The following IGF1R variants were observed in gnomAD, a reference collection of about 807,000 sequenced individuals.
IGF1R encodes the protein insulin-like growth factor 1 receptor.
A neutral mutation model predicts 144.6 loss-of-function variants in IGF1R; 44 were observed. The ratio of observed to expected loss-of-function variants is 0.30; its 90% CI spans 0.24 to 0.39. The LOEUF is 0.39. Ranked by LOEUF, IGF1R falls within the 10% of genes least tolerant of loss-of-function variation. IGF1R has a pLI of 1.00. For missense variants in IGF1R, 1,355 were observed against 1,833.7 expected (o/e 0.74, Z 4.77); for synonymous variants, 795 against 722.8 (o/e 1.10, Z -1.60).
At chr15:98,664,407 G>A (rs2141182952) in intron 1 of IGF1R, among the ~76,000 whole-genome samples, 1 of 152,256 alleles carries the variant, frequency 6.6e-6, no homozygotes, top group Admixed American at 6.5e-5. Flanking sequence ...GCTCATGCCT[G>A]TAATCCCAGC....
At chr15:98,904,661 G>C (rs2014645663) in intron 5 of IGF1R, among the ~76,000 whole-genome samples, 2 of 152,246 alleles carry the variant, frequency 1.3e-5, no homozygotes, top group Admixed American at 6.5e-5. Context: ...CCTGGGTTCT[G>C]ATGCCCCCTA....
At chr15:98,734,058 T>G (rs1009426434) in intron 2 of IGF1R, among the ~76,000 whole-genome samples, 1 of 152,206 alleles carries the variant, frequency 6.6e-6, no homozygotes, top group Non-Finnish European at 1.5e-5. Flanking sequence ...CCGTATCTGC[T>G]GCAATTCTTA....
chr15:98,755,737 AAAAAAAAAAAAAAAAAG>A (rs564730758), intron 2 of IGF1R, among the ~76,000 whole-genome samples: 4,092 of 136,738 alleles, frequency 0.03, 197 homozygotes, highest in African/African-American at 0.097. Flanking sequence ...AAAAAAAAAA[AAAAAAAAAAAAAAAAAG>A]GCATTACTGC....
At chr15:98,775,688 C>T (rs1009673860) in intron 2 of IGF1R, among the ~76,000 whole-genome samples, 20 of 152,206 alleles carry the variant, frequency 1.3e-4, no homozygotes, top group African/African-American at 4.8e-4. Context: ...CTGGTCCGCA[C>T]TGAAGGATCC....
chr15:98,784,854 A>G (rs2055952362), intron 2 of IGF1R, among the ~76,000 whole-genome samples: 1 of 152,242 alleles, frequency 6.6e-6, no homozygotes, highest in Non-Finnish European at 1.5e-5. Context: ...GTTATATGCA[A>G]GCGCTGCCAT....
chr15:98,827,675 C>T (rs1481973517), intron 2 of IGF1R, among the ~76,000 whole-genome samples: 2 of 152,110 alleles, frequency 1.3e-5, no homozygotes, highest in Admixed American at 6.6e-5. Flanking sequence ...CTCTGCCTTC[C>T]GGGTTCAAGC....
At chr15:98,773,385 A>G (rs1449146026) in intron 2 of IGF1R, among the ~76,000 whole-genome samples, 1 of 152,194 alleles carries the variant, frequency 6.6e-6, no homozygotes, top group Non-Finnish European at 1.5e-5. Context: ...TGGGGTCACA[A>G]GGGACAAATC....
Position 98,964,108 on chromosome 15 carries a change from T to C in IGF1R, c.*6666T>C, listed in dbSNP as rs1327216582. The stretch of plus-strand genomic sequence containing the variant: ...AGAGGTTTGCCAGAGTTTGTCTACC[T>C]CTGGGTATCCCTTTGTCTGGGATAA... On this transcript the variant is annotated 3_prime_UTR_variant, in exon 21 of 21. Coordinates refer to ENST00000650285, the MANE Select transcript of IGF1R (RefSeq NM_000875.5). The C allele has an allele frequency of 8.6e-6, 2 of 232,958 alleles. No homozygotes were observed. Among genetic ancestry groups the C allele is most frequent in the Non-Finnish European group, 1.7e-5 (2 of 117,730 alleles). The allele number at this position is 232,958 out of a possible 1,614,324, so 14.4% of individuals were successfully genotyped here.
At chr15:98,901,710 G>A (rs1449187851) in intron 5 of IGF1R, among the ~76,000 whole-genome samples, 1 of 152,212 alleles carries the variant, frequency 6.6e-6, no homozygotes, top group African/African-American at 2.4e-5. Flanking sequence ...CCCTAGGCAT[G>A]GAGAAGAGCC....
intron 2 of IGF1R, among the ~76,000 whole-genome samples, chr15:98,849,711 T>C (rs1008872456): frequency 3.9e-5 from 6 of 152,072 alleles, no homozygotes; most frequent in Non-Finnish European, 7.4e-5. Flanking sequence ...CTCCTAGAAA[T>C]TGTTAAGGAA....
chr15:98,782,164 A>G (rs2141395630), intron 2 of IGF1R, among the ~76,000 whole-genome samples: 1 of 152,298 alleles, frequency 6.6e-6, no homozygotes, highest in Non-Finnish European at 1.5e-5. Flanking sequence ...TCCTTGAAAG[A>G]ATTGAATTTG....
chr15:98,669,362 C>G (rs1229341025), intron 1 of IGF1R, among the ~76,000 whole-genome samples: 1 of 152,182 alleles, frequency 6.6e-6, no homozygotes, highest in Admixed American at 6.5e-5. Context: ...GAACTCCACC[C>G]CAATTACCTG....
chr15:98,693,156 C>G (rs1226146356), intron 1 of IGF1R, among the ~76,000 whole-genome samples: 1 of 152,146 alleles, frequency 6.6e-6, no homozygotes, highest in Non-Finnish European at 1.5e-5. Context: ...GCTGTGCCAT[C>G]CAGCAACTAT....
intron 2 of IGF1R, among the ~76,000 whole-genome samples, chr15:98,770,982 C>T (rs1269424360): frequency 6.6e-6 from 1 of 152,162 alleles, no homozygotes; most frequent in Non-Finnish European, 1.5e-5. Context: ...TCTTAGTCCC[C>T]ATGGCAGTAC....
At chr15:98,665,196 C>T (rs1186858085) in intron 1 of IGF1R, among the ~76,000 whole-genome samples, 3 of 152,124 alleles carry the variant, frequency 2.0e-5, no homozygotes, top group Non-Finnish European at 2.9e-5. Flanking sequence ...TGTGATCCGC[C>T]CACCTCGGCC....
Position 98,963,172 on chromosome 15 carries a change from CTTTT to C in IGF1R, c.*5736_*5739del, listed in dbSNP as rs112539877. ...AATTGCCGAAAATAATTTAAAGACA[CTTTT>C]TTTTTCTCTGTGTGTGCAAATGTGT... is the stretch of plus-strand genomic sequence containing the variant. On this transcript the variant is annotated 3_prime_UTR_variant, in exon 21 of 21. Transcript: ENST00000650285. The C allele has an allele frequency of 8.8e-3, 1,956 of 222,558 alleles. 37 individuals carry two copies. The highest frequency in any genetic ancestry group is 0.04 in the African/African-American group (1,720 of 43,198). The allele number at this position is 222,558 out of a possible 1,614,324, so 13.8% of individuals were successfully genotyped here. A position where few individuals can be genotyped will look rare whatever the true frequency, so the allele number is the denominator to read the frequency against.
Position 98,962,308 on chromosome 15 carries a change from T to C in IGF1R, c.*4866T>C, listed in dbSNP as rs2017257751. On this transcript the variant is annotated 3_prime_UTR_variant, in exon 21 of 21. Transcript: ENST00000650285. ...GCAGTCCCAGTTATGCATTTCAAGTTTGGGGTTTGTTCTTTTCGTTAATGT... is the reference window on the plus strand; with the variant it reads ...GCAGTCCCAGTTATGCATTTCAAGTCTGGGGTTTGTTCTTTTCGTTAATGT... The C allele has an allele frequency of 4.3e-6, 1 of 233,284 alleles. No individual in the cohort carries two copies. The highest frequency in any genetic ancestry group is 8.5e-6 in the Non-Finnish European group (1 of 118,108). 14.5% of individuals were successfully genotyped at this position (233,284 alleles called of 1,614,324 possible).
intron 19 of IGF1R, among the ~76,000 whole-genome samples, chr15:98,946,678 G>A (rs563173859): frequency 6.6e-4 from 101 of 152,332 alleles, no homozygotes; most frequent in African/African-American, 2.4e-3. Context: ...GAAGAACAGG[G>A]CACAAATCGG....
Position 98,963,678 on chromosome 15 carries a change from A to C in IGF1R, c.*6236A>C, listed in dbSNP as rs894285163. 3 of 233,214 alleles carry C rather than the reference A, an allele frequency of 1.3e-5. No individual in the cohort carries two copies. The highest frequency in any genetic ancestry group is 2.2e-5 in the African/African-American group (1 of 45,350). 14.4% of individuals were successfully genotyped at this position (233,214 alleles called of 1,614,324 possible). On this transcript the variant is annotated 3_prime_UTR_variant, in exon 21 of 21. Coordinates refer to ENST00000650285, the MANE Select transcript of IGF1R (RefSeq NM_000875.5). ...ACATAAACGATGACAGCTATGGGGC[A>C]CACAGGCCATTTGCTTACATGCCTC...
Sources: allele counts gnomAD v4.1 joint callset (sites outside exome capture counted in the v4.1 genomes callset), GRCh38; gene constraint gnomAD v4.1.1; transcripts MANE v1.5; gene names NCBI Gene and HGNC (gene_info 2026-07-23, HGNC 2026-07-21).